Variants in FRS2 observed in about 807,000 individuals in gnomAD.
The protein encoded by FRS2 is fibroblast growth factor receptor substrate 2.
Under a neutral mutation model 43.9 loss-of-function variants are expected in FRS2, and 8 were observed. The ratio of observed to expected loss-of-function variants is 0.18; its 90% CI spans 0.11 to 0.33. The LOEUF is 0.33. FRS2 is among the 10% of genes least tolerant of loss of function. FRS2 has a pLI of 1.00. For synonymous variants in FRS2, 219 were observed against 220.3 expected, an observed-to-expected ratio of 0.99 and a Z score of 0.05; for missense variants, 534 against 627.6, an observed-to-expected ratio of 0.85 and a Z score of 1.59.
intron 1 of FRS2, among the ~76,000 whole-genome samples, chr12:69,503,766 G>A (rs906187079): frequency 7.9e-5 from 12 of 152,202 alleles, no homozygotes; most frequent in African/African-American, 2.7e-4. Context: ...GCTTGGAGAA[G>A]AAAGCAGAGT....
intron 1 of FRS2, among the ~76,000 whole-genome samples, chr12:69,499,762 T>C (rs1442244836): frequency 4.1e-5 from 6 of 146,428 alleles, no homozygotes; most frequent in Admixed American, 3.6e-4. Context: ...TAGGAGAATC[T>C]AGCTAGGTTT....
chr12:69,524,341 ATGTGAGGGGTT>A (rs1875990041), intron 1 of FRS2, among the ~76,000 whole-genome samples: 2 of 151,742 alleles, frequency 1.3e-5, no homozygotes, highest in Non-Finnish European at 2.9e-5. Context: ...TGGCAAAGTG[ATGTGAGGGGTT>A]GCTGTGGGCT....
chr12:69,567,762 A>T (rs1880421145), intron 4 of FRS2, among the ~76,000 whole-genome samples: 1 of 152,188 alleles, frequency 6.6e-6, no homozygotes, highest in Admixed American at 6.5e-5. Flanking sequence ...GCTTGGAAGG[A>T]TGTGAGAGAC....
At chr12:69,488,549 T>C (rs1872167509) in intron 1 of FRS2, among the ~76,000 whole-genome samples, 1 of 152,218 alleles carries the variant, frequency 6.6e-6, no homozygotes, top group African/African-American at 2.4e-5. Flanking sequence ...CTTGCCTTAT[T>C]GCAAAATTTG....
chr12:69,516,366 G>A (rs573948855), intron 1 of FRS2, among the ~76,000 whole-genome samples: 2 of 152,086 alleles, frequency 1.3e-5, no homozygotes, highest in Non-Finnish European at 2.9e-5. Context: ...TTACAGGCGT[G>A]TGCCACCACG....
At chr12:69,557,636 G>GTTCGCA (rs1555192603) in intron 3 of FRS2, among the ~76,000 whole-genome samples, 118 of 146,906 alleles carry the variant, frequency 8.0e-4, no homozygotes, top group African/African-American at 2.8e-3. Context: ...GCGCGCGCGC[G>GTTCGCA]CAGGTGCATG....
At chr12:69,474,263 G>T (rs1870568134) in intron 1 of FRS2, among the ~76,000 whole-genome samples, 1 of 152,096 alleles carries the variant, frequency 6.6e-6, no homozygotes, top group South Asian at 2.1e-4. Context: ...CTTGCCAAAC[G>T]CTGGAAATGT....
At chr12:69,502,944 G>A (rs765578267) in intron 1 of FRS2, among the ~76,000 whole-genome samples, 3 of 152,140 alleles carry the variant, frequency 2.0e-5, no homozygotes, top group South Asian at 2.1e-4. Flanking sequence ...TATTAATTTT[G>A]CTACATAACA....
intron 1 of FRS2, chr12:69,491,564 A>T (rs1340276559): frequency 7.2e-6 from 1 of 138,464 alleles, no homozygotes; most frequent in South Asian, 2.3e-4. Flanking sequence ...GCAGTGTCAC[A>T]ATCATAGCTC....
intron 7 of FRS2, among the ~76,000 whole-genome samples, chr12:69,571,724 CG>C (rs904433941): frequency 2.0e-5 from 3 of 151,976 alleles, no homozygotes; most frequent in African/African-American, 7.3e-5. Flanking sequence ...ATTAGCCGGG[CG>C]TGGTGGTGGG....
At chr12:69,555,085 C>G (rs138924373) in intron 3 of FRS2, among the ~76,000 whole-genome samples, 219 of 151,906 alleles carry the variant, frequency 1.4e-3, no homozygotes, top group African/African-American at 4.9e-3. Flanking sequence ...CTCACTGTCA[C>G]CCAGGCTGGA....
intron 1 of FRS2, among the ~76,000 whole-genome samples, chr12:69,524,180 C>T (rs937457585): frequency 2.0e-5 from 3 of 151,950 alleles, no homozygotes; most frequent in Non-Finnish European, 2.9e-5. Flanking sequence ...GCGGCAGGGG[C>T]TGGTGGTCTC....
chr12:69,538,197 T>TA (rs1555189565), intron 3 of FRS2, among the ~76,000 whole-genome samples: 10 of 81,614 alleles, frequency 1.2e-4, no homozygotes, highest in African/African-American at 4.4e-4. Context: ...AAAACAAATT[T>TA]TATATATATA....
intron 1 of FRS2, among the ~76,000 whole-genome samples, chr12:69,519,275 C>G (rs1875383555): frequency 6.6e-6 from 1 of 152,114 alleles, no homozygotes; most frequent in Non-Finnish European, 1.5e-5. Context: ...CCAGGCTGCT[C>G]TTCATAGTGA....
chr12:69,566,041 G>A (rs1044783506), intron 4 of FRS2, among the ~76,000 whole-genome samples: 5 of 151,980 alleles, frequency 3.3e-5, no homozygotes, highest in African/African-American at 1.2e-4. Flanking sequence ...CTGTGATGCT[G>A]TGATAGCTAT....
chr12:69,488,571 T>A (rs1189241355), intron 1 of FRS2, among the ~76,000 whole-genome samples: 1 of 152,192 alleles, frequency 6.6e-6, no homozygotes, highest in East Asian at 1.9e-4. Flanking sequence ...TTTATTGCTG[T>A]GGTCTGGAGC....
At chr12:69,549,724 T>C (rs1878711127) in intron 3 of FRS2, among the ~76,000 whole-genome samples, 1 of 152,258 alleles carries the variant, frequency 6.6e-6, no homozygotes. Context: ...TGTCTGTCTC[T>C]GTTCTGCTCT....
chr12:69,495,941 G>GA (rs536645769), intron 1 of FRS2, among the ~76,000 whole-genome samples: 4 of 150,720 alleles, frequency 2.7e-5, no homozygotes, highest in African/African-American at 4.9e-5. Flanking sequence ...AAAGAGAAAG[G>GA]AAAAAAAAAG....
chr12:69,474,132 C>T (rs1437206736), intron 1 of FRS2, among the ~76,000 whole-genome samples: 3 of 152,144 alleles, frequency 2.0e-5, no homozygotes, highest in Admixed American at 6.6e-5. Context: ...TGAGCCACTG[C>T]GCCCAGCTGA....
Sources: allele counts gnomAD v4.1 joint callset (sites outside exome capture counted in the v4.1 genomes callset), GRCh38; gene constraint gnomAD v4.1.1; transcripts MANE v1.5; gene names NCBI Gene and HGNC (gene_info 2026-07-23, HGNC 2026-07-21).